ADGRB3: variants seen among roughly 807,000 people sequenced by gnomAD.
The protein encoded by ADGRB3 is adhesion G protein-coupled receptor B3.
A neutral mutation model predicts 193.4 loss-of-function variants in ADGRB3; 37 were observed. The observed-to-expected ratio is 0.19, with a 90% CI of 0.15 to 0.25. The LOEUF (loss-of-function observed/expected upper bound fraction) is 0.25, where lower values mean the gene tolerates loss of function less well. ADGRB3 is among the 10% of genes least tolerant of loss of function. The pLI is 1.00. For missense variants in ADGRB3, 1,637 were observed against 1,852.9 expected, an observed-to-expected ratio of 0.88 and a Z score of 2.14; for synonymous variants, 690 against 644.2, an observed-to-expected ratio of 1.07 and a Z score of -1.08.
chr6:69,228,725 T>C (rs1766072986), intron 17 of ADGRB3, among the ~76,000 whole-genome samples: 1 of 152,222 alleles, frequency 6.6e-6, no homozygotes, highest in African/African-American at 2.4e-5. Context: ...TTTACAATAT[T>C]AGATCTTTAA....
At chr6:68,802,087 C>A (rs986982693) in intron 3 of ADGRB3, among the ~76,000 whole-genome samples, 2 of 149,822 alleles carry the variant, frequency 1.3e-5, no homozygotes, top group African/African-American at 4.9e-5. Flanking sequence ...CACCCAAGGG[C>A]ACAGAGCTCA....
intron 3 of ADGRB3, among the ~76,000 whole-genome samples, chr6:68,692,823 A>G (rs906390067): frequency 2.0e-5 from 3 of 151,324 alleles, no homozygotes; most frequent in African/African-American, 4.8e-5. Flanking sequence ...AAATGGACAT[A>G]TAGAGAGGCA....
intron 17 of ADGRB3, among the ~76,000 whole-genome samples, chr6:69,207,410 C>G (rs764026928): frequency 1.3e-5 from 2 of 152,078 alleles, no homozygotes; most frequent in Non-Finnish European, 2.9e-5. Flanking sequence ...TCCAAATAGC[C>G]CCCCTAGGCA....
At chr6:68,884,012 T>G (rs1301026292) in intron 3 of ADGRB3, among the ~76,000 whole-genome samples, 1 of 150,278 alleles carries the variant, frequency 6.7e-6, no homozygotes, top group Non-Finnish European at 1.5e-5. Context: ...AATTAAAAGA[T>G]ATTTTAAAAA....
intron 3 of ADGRB3, among the ~76,000 whole-genome samples, chr6:68,880,103 G>A (rs1765694201): frequency 6.6e-6 from 1 of 152,172 alleles, no homozygotes; most frequent in African/African-American, 2.4e-5. Flanking sequence ...TTAAAGTGGA[G>A]AGATTACTGA....
Position 68,638,930 on chromosome 6 carries a change from C to A in ADGRB3, c.255C>A (p.Leu85=), listed in dbSNP as rs1478679475. The change falls in exon 3 of 32, where the codon CTC becomes CTA. Residue 85 remains leucine (L), a synonymous_variant. Transcript: ENST00000370598. Reference sequence around the variant, plus strand: ...ACCTTAGCTGCTCTAACTTTTCACTCCTGGCTTATCAGTTTGATCATTTTT... The same window carrying A: ...ACCTTAGCTGCTCTAACTTTTCACTACTGGCTTATCAGTTTGATCATTTTT... ...KKDLSCSNFS[L]LAYQFDHFSH... 1 of 1,614,014 alleles carries A rather than the reference C, an allele frequency of 6.2e-7. No homozygotes were observed. The highest frequency in any genetic ancestry group is 1.3e-5 in the African/African-American group (1 of 74,918).
intron 16 of ADGRB3, among the ~76,000 whole-genome samples, chr6:69,067,144 T>C (rs1005846928): frequency 2.6e-5 from 4 of 152,088 alleles, no homozygotes; most frequent in African/African-American, 9.7e-5. Context: ...CAGCCTGCAG[T>C]CTCATCTTGG....
chr6:69,371,944 C>G (rs1400445116), intron 29 of ADGRB3, among the ~76,000 whole-genome samples: 1 of 152,058 alleles, frequency 6.6e-6, no homozygotes, highest in Non-Finnish European at 1.5e-5. Flanking sequence ...ACTTAGAGGA[C>G]TGGTTAGAAT....
chr6:68,943,382 C>A (rs1384253620), intron 5 of ADGRB3, among the ~76,000 whole-genome samples: 1 of 152,070 alleles, frequency 6.6e-6, no homozygotes, highest in Non-Finnish European at 1.5e-5. Context: ...TAATAGAAGT[C>A]ATTAATCCCA....
At chr6:69,388,653 G>T (rs967390782) in intron 31 of ADGRB3, 50 bp from the exon 32 acceptor site, 2 of 1,538,004 alleles carry the variant, frequency 1.3e-6, no homozygotes, top group Non-Finnish European at 1.8e-6. Flanking sequence ...TCAACTAGCG[G>T]TGATCCTGGT....
At chr6:68,848,327 A>G (rs1768324160) in intron 3 of ADGRB3, among the ~76,000 whole-genome samples, 1 of 152,062 alleles carries the variant, frequency 6.6e-6, no homozygotes, top group African/African-American at 2.4e-5. Flanking sequence ...TATTAATAGC[A>G]ACAATAGCAA....
chr6:69,131,369 A>G (rs1269108435), intron 17 of ADGRB3, among the ~76,000 whole-genome samples: 1 of 151,888 alleles, frequency 6.6e-6, no homozygotes, highest in African/African-American at 2.4e-5. Context: ...TACAGTTTCT[A>G]TGTGTGTCTC....
chr6:68,972,993 G>A (rs908805492), intron 8 of ADGRB3, among the ~76,000 whole-genome samples: 3 of 152,116 alleles, frequency 2.0e-5, no homozygotes, highest in African/African-American at 7.2e-5. Context: ...ATGAAAGTGG[G>A]GCTGGTGAAG....
intron 4 of ADGRB3, 131 bp from the exon 5 acceptor site, chr6:68,936,388 G>A (rs965895039): frequency 4.1e-6 from 4 of 969,468 alleles, no homozygotes; most frequent in African/African-American, 1.7e-5. Flanking sequence ...ATGTTTTCAT[G>A]TACCTTTTGA....
chr6:69,001,579 C>T (rs1769578839), intron 11 of ADGRB3, among the ~76,000 whole-genome samples: 1 of 151,864 alleles, frequency 6.6e-6, no homozygotes, highest in Admixed American at 6.6e-5. Flanking sequence ...GAGAGCGTGT[C>T]TTAGTGACAG....
rs1769286517 is a variant in ADGRB3, at chr6:69,354,160, CTGATTGCCAAGATAGACAGTATCT to C, written c.3460-70_3460-47del. The C allele has an allele frequency of 3.7e-6, 4 of 1,066,912 alleles. No homozygotes were observed. The East Asian group carries it at 9.5e-5, about 25-fold the overall frequency. 66.1% of individuals were successfully genotyped at this position (1,066,912 alleles called of 1,614,324 possible). On this transcript the variant is annotated intron_variant, in intron 26 of 31. Coordinates refer to ENST00000370598, the MANE Select transcript of ADGRB3 (RefSeq NM_001704.3). ...ATCAGTGATAACCACTGCCTCAGAG[CTGATTGCCAAGATAGACAGTATCT>C]TGTCATTATTAAGAGAGAAGAAAAT...
chr6:68,788,851 A>C (rs778478287), intron 3 of ADGRB3, among the ~76,000 whole-genome samples: 2 of 152,244 alleles, frequency 1.3e-5, no homozygotes, highest in Non-Finnish European at 2.9e-5. Flanking sequence ...TATTGGGTGC[A>C]TATACATATA....
At position 68,748,846 on chromosome 6, in the gene ADGRB3, G is replaced by A. The variant is rs560480824; in HGVS notation, c.757+109414G>A. On this transcript the variant is annotated intron_variant, in intron 3 of 31. Coordinates refer to ENST00000370598, the MANE Select transcript of ADGRB3 (RefSeq NM_001704.3). ...AACAAACTTTTCCCTGGGCATCCAGGCGTTTCCACACATCTTCTGAAATCT... is the reference window on the plus strand; with the variant it reads ...AACAAACTTTTCCCTGGGCATCCAGACGTTTCCACACATCTTCTGAAATCT... 5.3e-5 allele frequency among the ~76,000 whole-genome samples: 8 copies of A among 152,282 alleles called. No individual in the cohort carries two copies. In the South Asian group the frequency reaches 1.2e-3, roughly 24 times the overall value.
intron 3 of ADGRB3, among the ~76,000 whole-genome samples, chr6:68,866,108 A>G (rs556592): frequency 0.87 from 132,893 of 152,088 alleles, 58,322 homozygotes; most frequent in Middle Eastern, 0.95. Context: ...TTGTGTCAGA[A>G]TTTGGCACTA....
Sources: gnomAD v4.1 joint callset for allele counts (sites outside exome capture counted in the v4.1 genomes callset) on GRCh38, gnomAD v4.1.1 for gene constraint, MANE v1.5 for transcripts, NCBI Gene and HGNC (gene_info 2026-07-23, HGNC 2026-07-21) for gene names.